CARD8: variants seen among roughly 807,000 people sequenced by gnomAD.
CARD8 encodes the protein caspase recruitment domain-containing protein 8.
CARD8 carries 38 observed loss-of-function variants against 53.2 expected under a neutral mutation model. That is an observed-to-expected ratio of 0.71 (90% CI 0.55 to 0.94). The LOEUF is 0.94. Ranked by LOEUF, CARD8 falls within the 40% of genes least tolerant of loss-of-function variation. The pLI, the probability that CARD8 is intolerant of heterozygous loss-of-function variation, is 0.00. For missense variants in CARD8, 561 were observed against 655.5 expected (o/e 0.86, Z 1.57); for synonymous variants, 245 against 244.9 (o/e 1.00, Z 0.00).
At chr19:48,218,574 G>A (rs777299184) in intron 12 of CARD8, among the ~76,000 whole-genome samples, 5 of 151,788 alleles carry the variant, frequency 3.3e-5, no homozygotes, top group African/African-American at 4.8e-5. Context: ...GGCTGGTCTC[G>A]AACTCCCGAC....
intron 3 of CARD8, among the ~76,000 whole-genome samples, chr19:48,247,039 T>C (rs974371949): frequency 2.6e-5 from 4 of 152,196 alleles, no homozygotes; most frequent in African/African-American, 9.7e-5. Context: ...TAAATACAAT[T>C]GAGGCCAGGC....
rs1009897821 is a variant in CARD8 at position 48,231,079 on chromosome 19, A to C, written c.543-73T>G. On this transcript the variant is annotated intron_variant, in intron 8 of 13. Coordinates refer to ENST00000651546, the MANE Select transcript of CARD8 (RefSeq NM_001184900.3). ...GATTTAAGCAGCGATGTGCAGAGGG[A>C]GGTGGGATTTGAAGTGAGGCAAGGT... 17 of 1,277,572 alleles carry C rather than the reference A, an allele frequency of 1.3e-5. No individual in the cohort carries two copies. The Admixed American group carries it at 3.3e-4, about 25-fold the overall frequency. The allele number at this position is 1,277,572 out of a possible 1,614,324, so 79.1% of individuals were successfully genotyped here. A position where few individuals can be genotyped will look rare whatever the true frequency, so the allele number is the denominator to read the frequency against.
intron 3 of CARD8, among the ~76,000 whole-genome samples, chr19:48,244,242 G>C (rs1031906090): frequency 8.5e-5 from 13 of 152,064 alleles, no homozygotes; most frequent in South Asian, 6.2e-4. Context: ...AAATGAACAA[G>C]GCAATGAGAA....
intron 4 of CARD8, among the ~76,000 whole-genome samples, chr19:48,239,183 C>T (rs912106396): frequency 2.0e-5 from 3 of 152,128 alleles, no homozygotes; most frequent in African/African-American, 7.2e-5. Flanking sequence ...TTAGTGTGAG[C>T]GTGTCAGGGA....
chr19:48,233,557 G>A, intron 6 of CARD8: 3 of 361,720 alleles, frequency 8.3e-6, no homozygotes, highest in South Asian at 6.2e-5. Flanking sequence ...GTAGCTACAG[G>A]CAAAGCAGCA....
chr19:48,227,787 G>A (rs1471998040), intron 10 of CARD8, among the ~76,000 whole-genome samples: 1 of 144,898 alleles, frequency 6.9e-6, no homozygotes, highest in African/African-American at 2.6e-5. Context: ...TGGGTGAGAG[G>A]GCTAGACTCC....
Position 48,231,803 on chromosome 19 carries a change from A to C in CARD8, c.399T>G (p.Ile133Met), listed in dbSNP as rs773582995. Residue 133 changes from isoleucine (I) to methionine (M), a missense_variant, in exon 8 of 14, where the codon ATT becomes ATG. By Grantham distance (10) the Ile-to-Met change is conservative. Transcript: ENST00000651546. Reference protein sequence around the residue: ...ESSEGQDSGDICSEENQIVSS... With the variant: ...ESSEGQDSGDMCSEENQIVSS... Reference sequence around the variant, plus strand: ...AAACTATTTGATTCTCTTCTGAGCAAATGTCTCCTGAAAAGAAAATACTAG... The same window carrying C: ...AAACTATTTGATTCTCTTCTGAGCACATGTCTCCTGAAAAGAAAATACTAG... The C allele has an allele frequency of 1.9e-6, 3 of 1,613,936 alleles. No individual in the cohort carries two copies. The South Asian group carries it at 3.3e-5, about 18-fold the overall frequency.
chr19:48,239,472 CTTT>C (rs36029407), intron 4 of CARD8, among the ~76,000 whole-genome samples: 14 of 102,660 alleles, frequency 1.4e-4, no homozygotes, highest in Non-Finnish European at 1.2e-4. Context: ...TCATTTCAGA[CTTT>C]TTTTTTTTTT....
intron 12 of CARD8, among the ~76,000 whole-genome samples, chr19:48,218,167 T>TC (rs1334324448): frequency 6.6e-6 from 1 of 151,898 alleles, no homozygotes; most frequent in Non-Finnish European, 1.5e-5. Flanking sequence ...TCTTTTTTTT[T>TC]TCTTTTTTGG....
intron 3 of CARD8, among the ~76,000 whole-genome samples, chr19:48,241,710 C>G (rs1768355026): frequency 6.6e-6 from 1 of 152,186 alleles, no homozygotes; most frequent in South Asian, 2.1e-4. Flanking sequence ...AATCGTTTTT[C>G]TTGCCTAAAT....
chr19:48,255,290 TG>T (rs1202831020), intron 1 of CARD8, among the ~76,000 whole-genome samples: 1 of 152,120 alleles, frequency 6.6e-6, no homozygotes, highest in East Asian at 1.9e-4. Flanking sequence ...CGCTTGAACC[TG>T]GGAGGCAGAG....
At position 48,255,010 on chromosome 19, in the gene CARD8, C is replaced by T. The variant is rs1036937632; in HGVS notation, c.-252+782G>A. Among the ~76,000 whole-genome samples the T allele has an allele frequency of 2.8e-4, 42 of 152,226 alleles. 1 individual carries two copies. Among genetic ancestry groups the T allele is most frequent in the African/African-American group, 9.9e-4 (41 of 41,454 alleles). On this transcript the variant is annotated intron_variant, in intron 1 of 13. Transcript: ENST00000651546. The stretch of plus-strand genomic sequence containing the variant: ...CCCATTTCTGTCTTCCTTTATCTCC[C>T]TGAATATACACATAGTTTAATACGG...
chr19:48,212,382 G>C (rs183280257), intron 13 of CARD8, among the ~76,000 whole-genome samples: 3 of 152,304 alleles, frequency 2.0e-5, no homozygotes, highest in African/African-American at 7.2e-5. Flanking sequence ...GAAGGATTCA[G>C]CTGGATCCCC....
chr19:48,238,210 T>C (rs2044268129), intron 5 of CARD8, 173 bp downstream of exon 5: 1 of 1,210,588 alleles, frequency 8.3e-7, no homozygotes, highest in African/African-American at 1.5e-5. Context: ...CTACTTCTTA[T>C]GAGATACAAA....
chr19:48,207,936 A>G (rs1599969489), downstream of CARD8: 1 of 151,586 alleles, frequency 6.6e-6, no homozygotes. Context: ...GGGTTTCACC[A>G]TGTTGGCCAG....
In CARD8 at chr19:48,218,902, C is replaced by G; in HGVS notation, c.1272G>C (p.Gly424=). 6.2e-7 allele frequency: 1 copy of G among 1,614,158 alleles called. No homozygotes were observed. The highest frequency in any genetic ancestry group is 8.5e-7 in the Non-Finnish European group (1 of 1,180,014). Residue 424 remains glycine, a synonymous_variant, in exon 12 of 14, where the codon GGG becomes GGC. Transcript: ENST00000651546. The stretch of plus-strand genomic sequence containing the variant: ...TCACCTCAGTATCCCACACCAAAGT[C>G]CCATGTCTTTTTTCAGTAATCTCAA... ...IQLEITEKRH[G]TLVWDTEVKP... is the part of the protein sequence containing the mutation.
At chr19:48,240,822 T>C (rs2044867928) in intron 4 of CARD8, 140 bp downstream of exon 4, 3 of 723,046 alleles carry the variant, frequency 4.1e-6, no homozygotes, top group Admixed American at 5.6e-5. Flanking sequence ...CCTTCATTCA[T>C]GCAGAGATGG....
At chr19:48,238,335 C>T in intron 5 of CARD8, 48 bp downstream of exon 5, 1 of 1,523,140 alleles carries the variant, frequency 6.6e-7, no homozygotes, top group South Asian at 1.2e-5. Flanking sequence ...ACCAATGGAG[C>T]AAAATTCCAA....
At chr19:48,241,981 C>T (rs562111393) in intron 3 of CARD8, among the ~76,000 whole-genome samples, 1 of 152,184 alleles carries the variant, frequency 6.6e-6, no homozygotes, top group African/African-American at 2.4e-5. Flanking sequence ...TTAAGCGGCA[C>T]TCCCCATTCC....
Sources: gnomAD v4.1 joint callset for allele counts (sites outside exome capture counted in the v4.1 genomes callset) on GRCh38, gnomAD v4.1.1 for gene constraint, MANE v1.5 for transcripts, NCBI Gene and HGNC (gene_info 2026-07-23, HGNC 2026-07-21) for gene names.